The following CRHR1 variants were observed in gnomAD, a reference collection of about 807,000 sequenced individuals.
The protein encoded by CRHR1 is corticotropin releasing hormone receptor 1.
Under a neutral mutation model 56.0 loss-of-function variants are expected in CRHR1, and 28 were observed. That is an observed-to-expected ratio of 0.50 (90% confidence interval 0.37 to 0.69). The LOEUF (loss-of-function observed/expected upper bound fraction) is 0.69, where lower values mean the gene tolerates loss of function less well. CRHR1 is among the 30% of genes least tolerant of loss of function. The pLI, the probability that CRHR1 is intolerant of heterozygous loss-of-function variation, is 0.00. For missense variants in CRHR1, 376 were observed against 548.0 expected (o/e 0.69, Z 3.13); for synonymous variants, 195 against 216.5 (o/e 0.90, Z 0.87).
At chr17:45,798,557 G>C (rs927996518) in intron 1 of CRHR1, among the ~76,000 whole-genome samples, 1 of 148,772 alleles carries the variant, frequency 6.7e-6, no homozygotes, top group Non-Finnish European at 1.5e-5. Flanking sequence ...CCAAACACAG[G>C]CCTTGCCTGC....
intron 2 of CRHR1, among the ~76,000 whole-genome samples, chr17:45,810,796 C>A (rs1226902285): frequency 1.3e-5 from 2 of 152,250 alleles, no homozygotes; most frequent in Non-Finnish European, 2.9e-5. Context: ...GCTTTCTTCT[C>A]TGCCCAGCCA....
intron 12 of CRHR1, 85 bp downstream of exon 12, chr17:45,834,133 C>G (rs2143283588): frequency 6.6e-7 from 1 of 1,505,748 alleles, no homozygotes; most frequent in Non-Finnish European, 9.2e-7. Context: ...CTCCTCCCCT[C>G]CCAGGGCTGC....
chr17:45,798,503 G>A (rs1454314947), intron 1 of CRHR1, among the ~76,000 whole-genome samples: 1 of 146,694 alleles, frequency 6.8e-6, no homozygotes, highest in Non-Finnish European at 1.5e-5. Flanking sequence ...TCCAGCCTGG[G>A]CGACAAGGCG....
chr17:45,814,089 G>A (rs2061878655), intron 2 of CRHR1, among the ~76,000 whole-genome samples: 1 of 152,264 alleles, frequency 6.6e-6, no homozygotes, highest in African/African-American at 2.4e-5. Context: ...CAAGAAGACT[G>A]GCCGGGGAAG....
chr17:45,785,382 C>T (rs906365762), intron 1 of CRHR1, among the ~76,000 whole-genome samples: 43 of 152,380 alleles, frequency 2.8e-4, no homozygotes, highest in African/African-American at 1.0e-3. Flanking sequence ...GCCCGCCGCT[C>T]GTGTCAGGCG....
chr17:45,807,146 C>A, intron 2 of CRHR1, 49 bp downstream of exon 2: 3 of 1,533,914 alleles, frequency 2.0e-6, no homozygotes, highest in Non-Finnish European at 2.7e-6. Flanking sequence ...ACCACAATGC[C>A]CCCTACCCCA....
At position 45,784,384 on chromosome 17, in the gene CRHR1, C is replaced by T; in HGVS notation, c.-161C>T. ...AGAGCCGGGCCGGGCCGGGCCGGGC[C>T]GCGGGGCCGGGAAGCGCCGAGCCGG... is the stretch of plus-strand genomic sequence containing the variant. On this transcript the variant is annotated 5_prime_UTR_variant, in exon 1 of 13. Coordinates refer to ENST00000314537, the MANE Select transcript of CRHR1 (RefSeq NM_004382.5). The surrounding 1 kb of genome is among the most constrained non-coding windows in gnomAD (Gnocchi z 4.2). 2.2e-6 allele frequency: 1 copy of T among 455,836 alleles called. No homozygotes were observed. Among genetic ancestry groups the T allele is most frequent in the Non-Finnish European group, 3.4e-6 (1 of 290,308 alleles). 28.2% of individuals were successfully genotyped at this position (455,836 alleles called of 1,614,324 possible). A position where few individuals can be genotyped will look rare whatever the true frequency, so the allele number is the denominator to read the frequency against.
At chr17:45,830,717 TTGG>T in intron 7 of CRHR1, 147 bp downstream of exon 7, 2 of 1,223,606 alleles carry the variant, frequency 1.6e-6, no homozygotes, top group Non-Finnish European at 2.3e-6. Flanking sequence ...TCTGCTCCTC[TTGG>T]GGGTGGGCGG....
chr17:45,796,557 G>T (rs933271939), intron 1 of CRHR1, among the ~76,000 whole-genome samples: 2 of 152,216 alleles, frequency 1.3e-5, no homozygotes, highest in Non-Finnish European at 2.9e-5. Flanking sequence ...GTGCTGCCCA[G>T]GGGCAGGAGC....
chr17:45,785,762 TG>T (rs1279038407), intron 1 of CRHR1, among the ~76,000 whole-genome samples: 2 of 152,242 alleles, frequency 1.3e-5, no homozygotes, highest in Non-Finnish European at 2.9e-5. Context: ...ATGCAGCAGC[TG>T]CTGCTTCCTT....
At chr17:45,797,288 T>C (rs1475602200) in intron 1 of CRHR1, among the ~76,000 whole-genome samples, 1 of 120,514 alleles carries the variant, frequency 8.3e-6, no homozygotes, top group Admixed American at 8.1e-5. Context: ...TCTTTCTTTT[T>C]TTTTTTTTTT....
At chr17:45,790,217 T>C (rs921331954) in intron 1 of CRHR1, among the ~76,000 whole-genome samples, 3 of 152,166 alleles carry the variant, frequency 2.0e-5, no homozygotes, top group East Asian at 1.9e-4. Flanking sequence ...AAAGTAGATA[T>C]GTAGGGAGGA....
At chr17:45,817,545 G>T (rs2061954162) in intron 3 of CRHR1, among the ~76,000 whole-genome samples, 1 of 152,252 alleles carries the variant, frequency 6.6e-6, no homozygotes, top group Admixed American at 6.5e-5. Flanking sequence ...TGGATGGCTT[G>T]GCTTCTAAGA....
chr17:45,824,682 A>G (rs936911037), intron 4 of CRHR1, among the ~76,000 whole-genome samples: 7 of 152,112 alleles, frequency 4.6e-5, no homozygotes, highest in Non-Finnish European at 1.0e-4. Context: ...AATAGCACGG[A>G]CCTTAGGGTT....
intron 8 of CRHR1, among the ~76,000 whole-genome samples, chr17:45,831,733 G>A (rs533772608): frequency 6.6e-6 from 1 of 152,296 alleles, no homozygotes; most frequent in South Asian, 2.1e-4. Flanking sequence ...CAGAAAAGGT[G>A]GACATGGATG....
rs770538270 is a variant in CRHR1 at position 45,830,193 on chromosome 17, C to T, written c.534C>T (p.Pro178=). 2.2e-5 allele frequency: 36 copies of T among 1,614,010 alleles called. No homozygotes were observed. Among genetic ancestry groups the T allele is most frequent in the Admixed American group, 1.7e-4 (10 of 59,998 alleles). Residue 178 remains proline (P), a synonymous_variant, in exon 6 of 13, where the codon CCC becomes CCT. Coordinates refer to ENST00000314537, the MANE Select transcript of CRHR1 (RefSeq NM_004382.5). ...TWFVVQLTMS[P]EVHQSNVGWC... is the part of the protein sequence containing the mutation. ...TCGTGGTCCAGCTAACCATGAGCCC[C>T]GAGGTCCACCAGAGCAACGTGGTAC... is the stretch of plus-strand genomic sequence containing the variant.
rs368374246 is a variant in CRHR1 at position 45,784,526 on chromosome 17, T to C, written c.-19T>C. The C allele has an allele frequency of 3.8e-5, 58 of 1,545,746 alleles. No homozygotes were observed. In the East Asian group the frequency reaches 1.3e-3, roughly 34 times the overall value. ...CGTAGGACCCGGGCATTCAGGACGG[T>C]AGCCGAGCGAGCCCGAGGATGGGAG... is the stretch of plus-strand genomic sequence containing the variant. On this transcript the variant is annotated 5_prime_UTR_variant, in exon 1 of 13. It removes the in-frame stop codon of an upstream open reading frame in the 5' UTR. Coordinates refer to ENST00000314537, the MANE Select transcript of CRHR1 (RefSeq NM_004382.5). This position sits in a 1 kb window ranked among gnomAD's most constrained non-coding sequence, Gnocchi z 4.2.
intron 1 of CRHR1, among the ~76,000 whole-genome samples, chr17:45,786,150 G>A (rs184152974): frequency 2.0e-5 from 3 of 146,890 alleles, no homozygotes; most frequent in Non-Finnish European, 4.5e-5. Context: ...TCAGGTTTAC[G>A]CGGAAATAGA....
chr17:45,824,200 G>A (rs1035617052), intron 4 of CRHR1, among the ~76,000 whole-genome samples: 9 of 152,328 alleles, frequency 5.9e-5, no homozygotes, highest in East Asian at 1.9e-4. Flanking sequence ...TGAGGAGCCC[G>A]TAGCCTGGCA....
Sources: gnomAD v4.1 joint callset for allele counts (sites outside exome capture counted in the v4.1 genomes callset) on GRCh38, gnomAD v4.1.1 for gene constraint, Gnocchi (gnomAD v3.1) non-coding constraint, MANE v1.5 for transcripts, NCBI Gene and HGNC (gene_info 2026-07-23, HGNC 2026-07-21) for gene names.